THEMIS: variants seen among roughly 807,000 people sequenced by gnomAD.
THEMIS encodes protein THEMIS.
A neutral mutation model predicts 52.6 loss-of-function variants in THEMIS; 37 were observed. The observed-to-expected ratio is 0.70, with a 90% CI of 0.54 to 0.93. The LOEUF (loss-of-function observed/expected upper bound fraction) is 0.93, where lower values mean the gene tolerates loss of function less well. Ranked by LOEUF, THEMIS falls within the 40% of genes least tolerant of loss-of-function variation. The pLI is 0.00. For missense variants in THEMIS, 808 were observed against 763.1 expected (o/e 1.06, Z -0.69); for synonymous variants, 292 against 272.7 (o/e 1.07, Z -0.70).
chr6:127,789,753 A>G (rs1270438193), intron 4 of THEMIS, among the ~76,000 whole-genome samples: 1 of 152,186 alleles, frequency 6.6e-6, no homozygotes. Flanking sequence ...TCAATCACAT[A>G]AACAGAACCA....
At chr6:127,760,538 AC>A (rs1360800361) in intron 4 of THEMIS, among the ~76,000 whole-genome samples, 3 of 152,148 alleles carry the variant, frequency 2.0e-5, no homozygotes, top group African/African-American at 7.2e-5. Flanking sequence ...AAATCTCAGC[AC>A]TTTGGGAGGC....
intron 4 of THEMIS, among the ~76,000 whole-genome samples, chr6:127,803,264 A>G (rs1275498400): frequency 2.6e-5 from 4 of 152,202 alleles, no homozygotes; most frequent in African/African-American, 7.2e-5. Context: ...TAATACATTT[A>G]TAGATCTGTG....
chr6:127,894,955 C>T (rs1274400264), intron 1 of THEMIS, among the ~76,000 whole-genome samples: 2 of 148,734 alleles, frequency 1.3e-5, no homozygotes, highest in African/African-American at 4.9e-5. Flanking sequence ...AAAGTATATA[C>T]TTTTTGAAAA....
intron 3 of THEMIS, among the ~76,000 whole-genome samples, chr6:127,816,795 C>T: frequency 6.6e-6 from 1 of 152,134 alleles, no homozygotes; most frequent in East Asian, 1.9e-4. Flanking sequence ...TTACCTGGCC[C>T]CTGGCACCAC....
At chr6:127,828,749 C>T (rs960739191) in intron 3 of THEMIS, among the ~76,000 whole-genome samples, 4 of 152,076 alleles carry the variant, frequency 2.6e-5, no homozygotes, top group East Asian at 1.9e-4. Flanking sequence ...GTCAAGAGAT[C>T]GAGACCATCC....
chr6:127,805,116 A>G (rs1056386185), intron 4 of THEMIS, among the ~76,000 whole-genome samples: 3 of 152,096 alleles, frequency 2.0e-5, no homozygotes. Context: ...TTTGTAGTCA[A>G]CAGCCTTCTG....
intron 4 of THEMIS, among the ~76,000 whole-genome samples, chr6:127,806,852 C>T (rs1219169160): frequency 6.6e-6 from 1 of 152,146 alleles, no homozygotes; most frequent in African/African-American, 2.4e-5. Flanking sequence ...AGATTTGTAC[C>T]TTCGAGGTTT....
At chr6:127,707,910 G>T (rs192798459), downstream of THEMIS, among the ~76,000 whole-genome samples, 2 of 152,134 alleles carry the variant, frequency 1.3e-5, no homozygotes, top group East Asian at 3.9e-4. Context: ...AAAACTGCTT[G>T]ACTGATTCAA....
Position 127,829,876 on chromosome 6 carries a change from C to T in THEMIS, c.309G>A (p.Arg103=), listed in dbSNP as rs1287422597. Reference sequence around the variant, plus strand: ...GTCTACTTGGTCCAATATGAATGGTCCTTGTGATTTCTTCCATAGTAAGGT... The same window carrying T: ...GTCTACTTGGTCCAATATGAATGGTTCTTGTGATTTCTTCCATAGTAAGGT... The part of the protein sequence containing the change: ...TPYLTMEEIT[R]TIHIGPSRLG... Residue 103 remains arginine, a synonymous_variant, in exon 3 of 6, where the codon AGG becomes AGA. Coordinates refer to ENST00000368248, the MANE Select transcript of THEMIS (RefSeq NM_001010923.3). 4 of 1,613,934 alleles carry T rather than the reference C, an allele frequency of 2.5e-6. No homozygotes were observed. Among genetic ancestry groups the T allele is most frequent in the Non-Finnish European group, 3.4e-6 (4 of 1,179,970 alleles).
chr6:127,880,571 TA>T (rs33909885), intron 1 of THEMIS, among the ~76,000 whole-genome samples: 1,669 of 132,956 alleles, frequency 0.013, 31 homozygotes, highest in East Asian at 0.051. Context: ...AAAGACAAAT[TA>T]AAAAAAAAAA....
intron 1 of THEMIS, chr6:127,918,377 C>A (rs532569398): frequency 1.6e-4 from 24 of 152,104 alleles, no homozygotes; most frequent in African/African-American, 5.8e-4. Flanking sequence ...TAGAGATAGC[C>A]CTGGCCCATA....
intron 4 of THEMIS, among the ~76,000 whole-genome samples, chr6:127,752,233 A>G (rs1365831676): frequency 6.6e-6 from 1 of 151,586 alleles, no homozygotes; most frequent in Non-Finnish European, 1.5e-5. Context: ...TATACAACCT[A>G]AATTTACACC....
chr6:127,816,046 C>T (rs1027346378), intron 3 of THEMIS, among the ~76,000 whole-genome samples: 1 of 152,172 alleles, frequency 6.6e-6, no homozygotes, highest in Non-Finnish European at 1.5e-5. Context: ...ATCTTCAATA[C>T]TTCTGTGCCT....
At chr6:127,915,759 G>A (rs1781511398) in intron 1 of THEMIS, among the ~76,000 whole-genome samples, 1 of 152,174 alleles carries the variant, frequency 6.6e-6, no homozygotes, top group South Asian at 2.1e-4. Flanking sequence ...GGCCAAGGTG[G>A]GTGGATCACC....
the THEMIS span, among the ~76,000 whole-genome samples, chr6:127,703,064 T>TTTTTTTC: frequency 4.5e-5 from 6 of 133,586 alleles, no homozygotes; most frequent in Admixed American, 2.2e-4. Context: ...TTTTTTTTTT[T>TTTTTTTC]TGAGACGGAG....
chr6:127,748,758 C>G (rs928080862), intron 4 of THEMIS, among the ~76,000 whole-genome samples: 9 of 151,996 alleles, frequency 5.9e-5, no homozygotes, highest in Non-Finnish European at 1.0e-4. Context: ...TACTACAAAA[C>G]CTTGAGAAAG....
At chr6:127,897,432 C>T (rs1781002082) in intron 1 of THEMIS, among the ~76,000 whole-genome samples, 1 of 151,098 alleles carries the variant, frequency 6.6e-6, no homozygotes. Flanking sequence ...CACATAAACT[C>T]CATCAAATCA....
intron 4 of THEMIS, among the ~76,000 whole-genome samples, chr6:127,791,493 G>A (rs376526148): frequency 7.6e-4 from 116 of 152,262 alleles, no homozygotes; most frequent in African/African-American, 2.7e-3. Flanking sequence ...GGTGCTGATC[G>A]GCCCGTGAGC....
intron 1 of THEMIS, among the ~76,000 whole-genome samples, chr6:127,862,197 T>C (rs978050100): frequency 6.6e-6 from 1 of 152,106 alleles, no homozygotes; most frequent in African/African-American, 2.4e-5. Context: ...CTCATCTATC[T>C]CAATGACACA....
Sources: gnomAD v4.1 joint callset for allele counts (sites outside exome capture counted in the v4.1 genomes callset) on GRCh38, gnomAD v4.1.1 for gene constraint, MANE v1.5 for transcripts, NCBI Gene and HGNC (gene_info 2026-07-23, HGNC 2026-07-21) for gene names.